The following APLP2 variants were observed in gnomAD, a reference collection of about 807,000 sequenced individuals.
The protein encoded by APLP2 is CDEI box-binding protein.
In APLP2, 53 loss-of-function variants were observed where a neutral mutation model predicts 89.9. The observed-to-expected ratio is 0.59, with a 90% CI of 0.47 to 0.74. APLP2 has a LOEUF of 0.74. Ranked by LOEUF, APLP2 falls within the 30% of genes least tolerant of loss-of-function variation. The pLI is 0.00. For missense variants in APLP2, 973 were observed against 975.9 expected (o/e 1.00, Z 0.04); for synonymous variants, 372 against 348.6 (o/e 1.07, Z -0.75).
At chr11:130,138,400 G>C (rs1449489466) in intron 13 of APLP2, among the ~76,000 whole-genome samples, 4 of 152,130 alleles carry the variant, frequency 2.6e-5, no homozygotes, top group African/African-American at 7.2e-5. Flanking sequence ...GCACAACTGA[G>C]ATGTTTATAG....
At chr11:130,089,449 TCTC>T (rs1944583330) in intron 1 of APLP2, among the ~76,000 whole-genome samples, 1 of 152,194 alleles carries the variant, frequency 6.6e-6, no homozygotes, top group Non-Finnish European at 1.5e-5. Context: ...TTACAGCTCT[TCTC>T]AGTTGCAGCA....
chr11:130,123,619 C>T lies in APLP2; in HGVS notation c.930C>T (p.Cys310=), dbSNP rs1950065716. The T allele has an allele frequency of 1.2e-6, 2 of 1,613,366 alleles. No homozygotes were observed. The highest frequency in any genetic ancestry group is 8.5e-7 in the Non-Finnish European group (1 of 1,179,640). ...KEITHDVKAV[C]SQEAMTGPCR... Reference sequence around the variant, plus strand: ...CTGACCATTTTCACACAGCTGTCTGCTCCCAGGAGGCGATGACGGGGCCCT... The same window carrying T: ...CTGACCATTTTCACACAGCTGTCTGTTCCCAGGAGGCGATGACGGGGCCCT... The change falls in exon 7 of 17, where the codon TGC becomes TGT. Residue 310 remains cysteine, a synonymous_variant. Coordinates refer to ENST00000338167, the MANE Select transcript of APLP2 (RefSeq NM_001142276.2). The surrounding 1 kb of genome is among the most constrained non-coding windows in gnomAD (Gnocchi z 4.0).
In APLP2 at chr11:130,122,509, C is replaced by G. The variant is rs749237069; in HGVS notation, c.918C>G (p.Val306=). The change falls in exon 6 of 17, where the codon GTC becomes GTG. Residue 306 remains valine, a synonymous_variant. Coordinates refer to ENST00000338167, the MANE Select transcript of APLP2 (RefSeq NM_001142276.2). ...TMSDKEITHD[V]KAVCSQEAMT... ...CAGACAAGGAAATTACTCATGATGT[C>G]AAAGGTAACCCCATGTAGAGCCATG... 6.2e-7 allele frequency: 1 copy of G among 1,613,940 alleles called. No homozygotes were observed. The highest frequency in any genetic ancestry group is 8.5e-7 in the Non-Finnish European group (1 of 1,179,868).
chr11:130,074,255 G>T (rs12420086), intron 1 of APLP2, among the ~76,000 whole-genome samples: 1 of 151,924 alleles, frequency 6.6e-6, no homozygotes, highest in Non-Finnish European at 1.5e-5. Flanking sequence ...TCACTCTGTC[G>T]CCCAGGCTGG....
chr11:130,119,271 C>A (rs1327249774), intron 3 of APLP2, among the ~76,000 whole-genome samples: 1 of 152,164 alleles, frequency 6.6e-6, no homozygotes, highest in Non-Finnish European at 1.5e-5. Flanking sequence ...GCACCCTTCT[C>A]GCCCTCTCTT....
At chr11:130,132,074 A>C (rs1403111495) in intron 11 of APLP2, among the ~76,000 whole-genome samples, 1 of 152,118 alleles carries the variant, frequency 6.6e-6, no homozygotes, top group African/African-American at 2.4e-5. Flanking sequence ...TTTGCTGTAG[A>C]GACACTAATT....
chr11:130,070,285 C>T (rs1318005036), intron 1 of APLP2, among the ~76,000 whole-genome samples: 3 of 151,218 alleles, frequency 2.0e-5, no homozygotes, highest in African/African-American at 7.3e-5. Context: ...GCCTCAGCCG[C>T]CGCAGAGGCC....
intron 1 of APLP2, among the ~76,000 whole-genome samples, chr11:130,082,232 G>A (rs1046675813): frequency 8.6e-5 from 13 of 151,992 alleles, no homozygotes; most frequent in African/African-American, 3.1e-4. Context: ...CGCCCAGGCT[G>A]GAGTACAGTG....
intron 1 of APLP2, among the ~76,000 whole-genome samples, chr11:130,102,249 G>C (rs1466286043): frequency 1.3e-5 from 2 of 152,136 alleles, no homozygotes; most frequent in Non-Finnish European, 2.9e-5. Flanking sequence ...TTTAACAGAT[G>C]GTCCTTTTTT....
intron 1 of APLP2, among the ~76,000 whole-genome samples, chr11:130,098,595 A>C (rs759351488): frequency 6.6e-6 from 1 of 152,176 alleles, no homozygotes; most frequent in Non-Finnish European, 1.5e-5. Flanking sequence ...TAGTTTCTCA[A>C]CTTAGCCTTG....
intron 3 of APLP2, among the ~76,000 whole-genome samples, chr11:130,120,467 G>A (rs1949689308): frequency 6.6e-6 from 1 of 152,190 alleles, no homozygotes; most frequent in African/African-American, 2.4e-5. Flanking sequence ...CAGTGGGACT[G>A]CAGTCAGGGG....
At position 130,144,128 on chromosome 11, in the gene APLP2, A is replaced by G. The variant is rs1952715726; in HGVS notation, c.*680A>G. 1 of 152,386 alleles carries G rather than the reference A, an allele frequency of 6.6e-6. No homozygotes were observed. The highest frequency in any genetic ancestry group is 1.5e-5 in the Non-Finnish European group (1 of 68,172). The allele number at this position is 152,386 out of a possible 1,614,324, so 9.4% of individuals were successfully genotyped here. A position where few individuals can be genotyped will look rare whatever the true frequency, so the allele number is the denominator to read the frequency against. On this transcript the variant is annotated 3_prime_UTR_variant, in exon 17 of 17. Coordinates refer to ENST00000338167, the MANE Select transcript of APLP2 (RefSeq NM_001142276.2). ...CAGCGTCTTCTAGAGAGCTTAGTGT[A>G]TACAGATGAGGGTGTCCGCTGCTGC...
At chr11:130,131,535 G>C (rs1395434581) in intron 11 of APLP2, among the ~76,000 whole-genome samples, 1 of 152,190 alleles carries the variant, frequency 6.6e-6, no homozygotes, top group Non-Finnish European at 1.5e-5. Context: ...CATCTGGTGT[G>C]GGCCTGGAGC....
At chr11:130,132,407 A>T (rs1286647495) in intron 11 of APLP2, among the ~76,000 whole-genome samples, 1 of 152,076 alleles carries the variant, frequency 6.6e-6, no homozygotes, top group Non-Finnish European at 1.5e-5. Context: ...GGCCCACATA[A>T]TTAATCCACT....
At position 130,133,638 on chromosome 11, in the gene APLP2, C is replaced by T. The variant is rs1420111011; in HGVS notation, c.1594C>T (p.His532Tyr). Reference protein sequence around the residue: ...AAQMKSQVMTHLHVIEERRNQ... With the variant: ...AAQMKSQVMTYLHVIEERRNQ... The stretch of plus-strand genomic sequence containing the variant: ...ATAACTCTGCTTCCAGGTGATGACA[C>T]ATCTCCACGTGATTGAAGAAAGGAG... Residue 532 changes from histidine (H) to tyrosine (Y), a missense_variant, in exon 12 of 17, where the codon CAT becomes TAT. By Grantham distance (83) the His-to-Tyr change is moderately conservative (BLOSUM62 2). Transcript: ENST00000338167. 1.2e-6 allele frequency: 2 copies of T among 1,613,774 alleles called. No individual in the cohort carries two copies. Among genetic ancestry groups the T allele is most frequent in the Admixed American group, 1.7e-5 (1 of 60,028 alleles).
At position 130,096,265 on chromosome 11, in the gene APLP2, G is replaced by A. The variant is rs570266776; in HGVS notation, c.106-13164G>A. On this transcript the variant is annotated intron_variant, in intron 1 of 16. Transcript: ENST00000338167. ...TGCTGGACTGGAGGGATGCTGGAGT[G>A]TGGCAGGGGCTGCATCATGGTGGGC... Among the ~76,000 whole-genome samples the A allele has an allele frequency of 3.9e-5, 6 of 152,314 alleles. No homozygotes were observed. In the East Asian group the frequency reaches 9.6e-4, roughly 24 times the overall value.
chr11:130,135,195 T>C (rs1951426583), intron 12 of APLP2, among the ~76,000 whole-genome samples: 1 of 152,102 alleles, frequency 6.6e-6, no homozygotes, highest in South Asian at 2.1e-4. Flanking sequence ...TGAGGTATTC[T>C]TATTTTTAAA....
intron 11 of APLP2, 81 bp downstream of exon 11, chr11:130,130,247 C>T: frequency 6.3e-7 from 1 of 1,577,388 alleles, no homozygotes; most frequent in South Asian, 1.1e-5. Flanking sequence ...GGTTGACCAG[C>T]ACTGCTAGTT....
intron 3 of APLP2, among the ~76,000 whole-genome samples, chr11:130,114,989 T>C (rs1441605357): frequency 6.6e-6 from 1 of 152,148 alleles, no homozygotes; most frequent in African/African-American, 2.4e-5. Flanking sequence ...CTGTTCCTGG[T>C]GTGGACCCCT....
Sources: gnomAD v4.1 joint callset for allele counts (sites outside exome capture counted in the v4.1 genomes callset) on GRCh38, gnomAD v4.1.1 for gene constraint, Gnocchi (gnomAD v3.1) non-coding constraint, MANE v1.5 for transcripts, NCBI Gene and HGNC (gene_info 2026-07-23, HGNC 2026-07-21) for gene names.